CEP57L1: variants seen among roughly 807,000 people sequenced by gnomAD.
The protein encoded by CEP57L1 is centrosomal protein 57 like 1.
Under a neutral mutation model 61.0 loss-of-function variants are expected in CEP57L1, and 37 were observed. The observed-to-expected ratio is 0.61, with a 90% confidence interval of 0.47 to 0.80. CEP57L1 has a LOEUF of 0.80. Among genes scored for constraint, CEP57L1 ranks in the 30% least tolerant of loss-of-function variants. The probability of loss-of-function intolerance (pLI) is 0.00; values close to 1 mark genes in which losing one functional copy is unlikely to be tolerated. For missense variants in CEP57L1, 422 were observed against 524.7 expected (o/e 0.80, Z 1.91); for synonymous variants, 137 against 162.3 (o/e 0.84, Z 1.19).
At chr6:109,095,185 CTTGCGCCCTGA>C (rs920822997), upstream of CEP57L1, 7 of 985,444 alleles carry the variant, frequency 7.1e-6, no homozygotes, top group Middle Eastern at 1.5e-3. Context: ...AGGCGCTAAG[CTTGCGCCCTGA>C]GGCGGTTTCC....
Position 109,174,041 on chromosome 6 carries a change from A to T in CEP57L1, c.*11071A>T, listed in dbSNP as rs1297950689. 6.6e-6 allele frequency among the ~76,000 whole-genome samples: 1 copy of T among 150,934 alleles called. No individual in the cohort carries two copies. Among genetic ancestry groups the T allele is most frequent in the Non-Finnish European group, 1.5e-5 (1 of 67,862 alleles). ...CTTGAACCCAGGAGACAGAGGGTGC[A>T]GTGAGCCGAGATCATGCCATTGCAC... On this transcript the variant is annotated 3_prime_UTR_variant, in exon 11 of 11. Coordinates refer to ENST00000517392, the MANE Select transcript of CEP57L1 (RefSeq NM_001271852.3).
At chr6:109,117,181 T>G (rs1172183550) in intron 1 of CEP57L1, among the ~76,000 whole-genome samples, 1 of 152,216 alleles carries the variant, frequency 6.6e-6, no homozygotes, top group Non-Finnish European at 1.5e-5. Flanking sequence ...AACACTCTCA[T>G]TCTAGTCTCA....
chr6:109,148,526 C>T (rs1750217912), intron 3 of CEP57L1, among the ~76,000 whole-genome samples: 1 of 152,118 alleles, frequency 6.6e-6, no homozygotes, highest in South Asian at 2.1e-4. Flanking sequence ...CATTGTTGGA[C>T]ATTTGGGTAG....
At chr6:109,144,928 T>G (rs1562116697) in intron 1 of CEP57L1, among the ~76,000 whole-genome samples, 1 of 152,018 alleles carries the variant, frequency 6.6e-6, no homozygotes, top group Non-Finnish European at 1.5e-5. Context: ...GTATATGGGA[T>G]TTATGGGTAA....
rs933223916 is a variant in CEP57L1, at chr6:109,173,754, A to G, written c.*10784A>G. 3.3e-5 allele frequency among the ~76,000 whole-genome samples: 5 copies of G among 151,838 alleles called. No homozygotes were observed. In the East Asian group the frequency reaches 5.8e-4, roughly 18 times the overall value. On this transcript the variant is annotated 3_prime_UTR_variant, in exon 11 of 11. Transcript: ENST00000517392. The stretch of plus-strand genomic sequence containing the variant: ...TGCCCGGCAGAATTTTTCTGTGTCC[A>G]TTAGAAATAGAAATCAGTCACATGC...
intron 1 of CEP57L1, chr6:109,100,287 G>A (rs1782217856): frequency 6.6e-6 from 1 of 152,126 alleles, no homozygotes; most frequent in Admixed American, 6.5e-5. Flanking sequence ...ACTTTCAAAG[G>A]TATGGCATAT....
At chr6:109,136,317 A>G (rs1238691256) in intron 1 of CEP57L1, among the ~76,000 whole-genome samples, 1 of 152,206 alleles carries the variant, frequency 6.6e-6, no homozygotes, top group Non-Finnish European at 1.5e-5. Flanking sequence ...TCGCAAGGAC[A>G]AAAAACCAAA....
intron 1 of CEP57L1, among the ~76,000 whole-genome samples, chr6:109,098,946 T>G (rs572631150): frequency 1.3e-5 from 2 of 152,314 alleles, no homozygotes; most frequent in South Asian, 4.1e-4. Flanking sequence ...GCTGACAGAT[T>G]GTGTGAGAGT....
In CEP57L1 at chr6:109,160,584, A is replaced by C. The variant is rs770187563; in HGVS notation, c.1029A>C (p.Glu343Asp). ...TATTCTTTCATAGGGAGCACCAAGA[A>C]CTACTGAAACAAATGAAGGAAACTG... ...ELDQMSMEHQ[E>D]LLKQMKETES... is the part of the protein sequence containing the mutation. The change falls in exon 10 of 11, where the codon GAA (glutamate) becomes GAC (aspartate). Residue 343 changes from glutamate (E) to aspartate (D), a missense_variant. Physicochemically the swap from Glu to Asp is conservative, Grantham distance 45. Coordinates refer to ENST00000517392, the MANE Select transcript of CEP57L1 (RefSeq NM_001271852.3). The C allele has an allele frequency of 1.6e-5, 26 of 1,606,172 alleles. No homozygotes were observed. The South Asian group carries it at 2.9e-4, about 18-fold the overall frequency.
intron 1 of CEP57L1, among the ~76,000 whole-genome samples, chr6:109,113,311 A>C (rs1278162909): frequency 6.6e-6 from 1 of 152,132 alleles, no homozygotes; most frequent in Non-Finnish European, 1.5e-5. Context: ...CTTCCGGAGA[A>C]AAGCCCATGT....
chr6:109,127,646 G>GA (rs779779865), intron 1 of CEP57L1, among the ~76,000 whole-genome samples: 3 of 151,084 alleles, frequency 2.0e-5, no homozygotes, highest in Non-Finnish European at 4.4e-5. Flanking sequence ...TTTGGAGACT[G>GA]AGTCTCCTCT....
At chr6:109,100,691 AAG>A (rs1491463243) in intron 1 of CEP57L1, among the ~76,000 whole-genome samples, 30 of 148,748 alleles carry the variant, frequency 2.0e-4, no homozygotes, top group Non-Finnish European at 2.7e-4. Flanking sequence ...AAAAAAAAAA[AAG>A]AAGAAAGAAA....
At chr6:109,133,587 G>T (rs1010903368) in intron 1 of CEP57L1, among the ~76,000 whole-genome samples, 1 of 151,938 alleles carries the variant, frequency 6.6e-6, no homozygotes, top group African/African-American at 2.4e-5. Context: ...AGGAGATAGA[G>T]ACACAAAAAA....
intron 1 of CEP57L1, among the ~76,000 whole-genome samples, chr6:109,141,168 G>C (rs919391007): frequency 6.6e-6 from 1 of 151,892 alleles, no homozygotes; most frequent in Admixed American, 6.6e-5. Context: ...TCTGAAATTT[G>C]TATTGATGTA....
rs2114989045 is a variant in CEP57L1, at chr6:109,168,580, C to T, written c.*5610C>T. ...GGATTGTCAAATCAATTTAGCGGGT[C>T]ACTACCAGCATTTTTTTTTTTTTTT... On this transcript the variant is annotated 3_prime_UTR_variant, in exon 11 of 11. Transcript: ENST00000517392. Among the ~76,000 whole-genome samples the T allele has an allele frequency of 6.7e-6, 1 of 148,940 alleles. No individual in the cohort carries two copies. The highest frequency in any genetic ancestry group is 2.1e-4 in the South Asian group (1 of 4,692).
At chr6:109,095,364 A>G (rs1160698940), upstream of CEP57L1, 64 of 985,780 alleles carry the variant, frequency 6.5e-5, no homozygotes, top group Non-Finnish European at 7.0e-5. Flanking sequence ...GATCACCCTA[A>G]AAGTAGTGAC....
chr6:109,170,100 T>C lies in CEP57L1; in HGVS notation c.*7130T>C, dbSNP rs190830184. Among the ~76,000 whole-genome samples the C allele has an allele frequency of 4.6e-4, 70 of 152,284 alleles. No individual in the cohort carries two copies. Among genetic ancestry groups the C allele is most frequent in the African/African-American group, 1.6e-3 (68 of 41,556 alleles). ...AGCAAAGCCACTCTGCTCTGGACAA[T>C]GGTCAGAAGGTAGGAAGAAGTGTTA... On this transcript the variant is annotated 3_prime_UTR_variant, in exon 11 of 11. Coordinates refer to ENST00000517392, the MANE Select transcript of CEP57L1 (RefSeq NM_001271852.3).
In CEP57L1 at chr6:109,169,741, G is replaced by A. The variant is rs1043498397; in HGVS notation, c.*6771G>A. 6.6e-6 allele frequency among the ~76,000 whole-genome samples: 1 copy of A among 152,130 alleles called. No individual in the cohort carries two copies. Among genetic ancestry groups the A allele is most frequent in the Non-Finnish European group, 1.5e-5 (1 of 68,012 alleles). On this transcript the variant is annotated 3_prime_UTR_variant, in exon 11 of 11. Coordinates refer to ENST00000517392, the MANE Select transcript of CEP57L1 (RefSeq NM_001271852.3). ...ATTTGCTCTGTAGGTGCTTCAGACA[G>A]TTTTACAACCAATAAGAATGTGAGA... is the stretch of plus-strand genomic sequence containing the variant.
chr6:109,100,966 G>A (rs1782317359), intron 1 of CEP57L1, among the ~76,000 whole-genome samples: 2 of 152,012 alleles, frequency 1.3e-5, no homozygotes, highest in Non-Finnish European at 2.9e-5. Context: ...AATTAGCCAG[G>A]CATCATGGCA....
Sources: allele counts gnomAD v4.1 joint callset (sites outside exome capture counted in the v4.1 genomes callset), GRCh38; gene constraint gnomAD v4.1.1; transcripts MANE v1.5; gene names NCBI Gene and HGNC (gene_info 2026-07-23, HGNC 2026-07-21).